WNT2B: variants seen among roughly 807,000 people sequenced by gnomAD.
The protein encoded by WNT2B is Wnt family member 2B.
WNT2B carries 19 observed loss-of-function variants against 40.5 expected under a neutral mutation model. The observed-to-expected ratio is 0.47, with a 90% CI of 0.33 to 0.69. The LOEUF (loss-of-function observed/expected upper bound fraction) is 0.69, where lower values mean the gene tolerates loss of function less well. Ranked by LOEUF, WNT2B falls within the 30% of genes least tolerant of loss-of-function variation. WNT2B has a pLI of 0.02. For synonymous variants in WNT2B, 220 were observed against 211.9 expected (o/e 1.04, Z -0.33); for missense variants, 467 against 556.4 (o/e 0.84, Z 1.62).
intron 1 of WNT2B, among the ~76,000 whole-genome samples, chr1:112,498,321 T>G (rs1651843678): frequency 6.6e-6 from 1 of 152,072 alleles, no homozygotes; most frequent in Admixed American, 6.6e-5. Context: ...TGGTGCCATC[T>G]TGGCTCACTG....
intron 1 of WNT2B, among the ~76,000 whole-genome samples, chr1:112,475,830 C>T (rs1035528212): frequency 6.6e-6 from 1 of 152,072 alleles, no homozygotes; most frequent in Admixed American, 6.6e-5. Flanking sequence ...TAATCGCTTA[C>T]AATTTAAATA....
chr1:112,525,267 AAG>A lies in WNT2B; in HGVS notation c.*4764_*4765del, dbSNP rs1373970291. ...TTTGGATTCCAGGGATGATCTCCATAAGAGAGAAGCACTGGAAAAGACCAAGT... is the reference window on the plus strand; with the variant it reads ...TTTGGATTCCAGGGATGATCTCCATAAGAGAAGCACTGGAAAAGACCAAGT... On this transcript the variant is annotated 3_prime_UTR_variant, in exon 5 of 5. Coordinates refer to ENST00000369684, the MANE Select transcript of WNT2B (RefSeq NM_024494.3). The A allele has an allele frequency of 6.6e-6, 1 of 152,228 alleles. No individual in the cohort carries two copies. Among genetic ancestry groups the A allele is most frequent in the African/African-American group, 2.4e-5 (1 of 41,458 alleles). 9.4% of individuals were successfully genotyped at this position (152,228 alleles called of 1,614,324 possible). A position where few individuals can be genotyped will look rare whatever the true frequency, so the allele number is the denominator to read the frequency against.
chr1:112,468,810 A>C lies in WNT2B; in HGVS notation c.-95+1219A>C, dbSNP rs571774133. Among the ~76,000 whole-genome samples the C allele has an allele frequency of 5.3e-5, 8 of 152,192 alleles. No homozygotes were observed. In the South Asian group the frequency reaches 1.2e-3, roughly 24 times the overall value. On this transcript the variant is annotated intron_variant, in intron 1 of 4. Transcript: ENST00000256640. ...CTACATAGAAGTTTTTCCATTTAAT[A>C]CAGTCCTATTTGTCTATTTTTCGTT... is the stretch of plus-strand genomic sequence containing the variant.
At chr1:112,484,626 A>G (rs1050798391) in intron 1 of WNT2B, among the ~76,000 whole-genome samples, 4 of 151,222 alleles carry the variant, frequency 2.6e-5, no homozygotes, top group African/African-American at 9.7e-5. Flanking sequence ...ACCAAACTCC[A>G]TGCCTGGCAT....
chr1:112,481,451 A>G (rs1651222437), intron 1 of WNT2B, among the ~76,000 whole-genome samples: 1 of 152,208 alleles, frequency 6.6e-6, no homozygotes, highest in Non-Finnish European at 1.5e-5. Flanking sequence ...TAATATCATA[A>G]CCAATGGGGA....
chr1:112,503,415 T>G (rs1047015801), intron 1 of WNT2B, among the ~76,000 whole-genome samples: 1 of 152,102 alleles, frequency 6.6e-6, no homozygotes, highest in African/African-American at 2.4e-5. Context: ...GGTCCAGTGC[T>G]CCCTGCACTG....
intron 1 of WNT2B, among the ~76,000 whole-genome samples, chr1:112,469,700 G>A (rs917900332): frequency 7.9e-5 from 12 of 151,488 alleles, no homozygotes; most frequent in South Asian, 2.1e-4. Context: ...TACAACCTCC[G>A]TCTCCCAGGT....
chr1:112,466,886 T>G (rs950518105), exon 1 of WNT2B: 3 of 152,234 alleles, frequency 2.0e-5, no homozygotes, highest in Non-Finnish European at 4.4e-5. Flanking sequence ...GAAATATCCA[T>G]GCCACAGTTC....
chr1:112,482,778 A>G (rs1251796499), intron 1 of WNT2B, among the ~76,000 whole-genome samples: 1 of 152,206 alleles, frequency 6.6e-6, no homozygotes, highest in African/African-American at 2.4e-5. Flanking sequence ...TAAAACATTG[A>G]AGGAAATTAA....
At position 112,508,979 on chromosome 1, in the gene WNT2B, C is replaced by A; in HGVS notation, c.-284C>A. On this transcript the variant is annotated 5_prime_UTR_variant, in exon 1 of 5. Coordinates refer to ENST00000369684, the MANE Select transcript of WNT2B (RefSeq NM_024494.3). This position sits in a 1 kb window ranked among gnomAD's most constrained non-coding sequence, Gnocchi z 4.2. The stretch of plus-strand genomic sequence containing the variant: ...AGGGGCTGTCCGCACACTAGGCCCG[C>A]AGCTCCCTTCAGCGCCGCAGACCCC... 7.8e-7 allele frequency: 1 copy of A among 1,287,290 alleles called. No individual in the cohort carries two copies. Among genetic ancestry groups the A allele is most frequent in the South Asian group, 2.4e-5 (1 of 40,884 alleles). 79.7% of individuals were successfully genotyped at this position (1,287,290 alleles called of 1,614,324 possible).
Position 112,526,293 on chromosome 1 carries a change from A to G in WNT2B, c.*5784A>G, listed in dbSNP as rs2101129446. The G allele has an allele frequency of 1.6e-6, 1 of 625,866 alleles. No homozygotes were observed. The highest frequency in any genetic ancestry group is 2.6e-6 in the Non-Finnish European group (1 of 387,076). 38.8% of individuals were successfully genotyped at this position (625,866 alleles called of 1,614,324 possible). ...CAGTACCATGTGACCACTATACAAC[A>G]TATTCCACATTTAAACAACTCTGGC... On this transcript the variant is annotated 3_prime_UTR_variant, in exon 5 of 5. Transcript: ENST00000369684.
rs146450887 is a variant in WNT2B at position 112,494,233 on chromosome 1, C to T, written c.-94-20641C>T. On this transcript the variant is annotated intron_variant, in intron 1 of 4. Transcript: ENST00000256640. ...GCTGAGGCGGGAGAATCGTTTGAAC[C>T]CGAGAAGCGGAGGTTGCAGTGAACA... is the stretch of plus-strand genomic sequence containing the variant. Among the ~76,000 whole-genome samples, 11 of 151,422 alleles carry T rather than the reference C, an allele frequency of 7.3e-5. 1 individual carries two copies. The highest frequency in any genetic ancestry group is 2.7e-4 in the African/African-American group (11 of 40,762).
chr1:112,517,455 T>C (rs1652616044), intron 4 of WNT2B, 70 bp downstream of exon 4: 2 of 1,523,484 alleles, frequency 1.3e-6, no homozygotes, highest in African/African-American at 1.4e-5. Context: ...TTAATCATGG[T>C]CTGTTCAGTC....
At chr1:112,500,462 A>G (rs996197278) in intron 1 of WNT2B, among the ~76,000 whole-genome samples, 1 of 152,144 alleles carries the variant, frequency 6.6e-6, no homozygotes, top group African/African-American at 2.4e-5. Flanking sequence ...AAATGTTTCC[A>G]TTTTGATCTG....
chr1:112,499,076 T>G (rs904440648), intron 1 of WNT2B, among the ~76,000 whole-genome samples: 1 of 151,862 alleles, frequency 6.6e-6, no homozygotes, highest in East Asian at 1.9e-4. Context: ...CGTGGTGGCG[T>G]GCGCCTGTAA....
rs1651619604 is a variant in WNT2B at position 112,492,029 on chromosome 1, G to C, written c.-94-22845G>C. ...TAACCTGGAAGCCATAAACATATAT[G>C]TATGACAAGTCACGTAAATAAAATT... is the stretch of plus-strand genomic sequence containing the variant. On this transcript the variant is annotated intron_variant, in intron 1 of 4. Coordinates refer to the WNT2B transcript ENST00000256640. Among the ~76,000 whole-genome samples the C allele has an allele frequency of 4.6e-5, 7 of 151,990 alleles. 1 individual carries two copies. The South Asian group carries it at 1.5e-3, about 32-fold the overall frequency.
intron 1 of WNT2B, among the ~76,000 whole-genome samples, chr1:112,469,436 T>C (rs1457214776): frequency 6.6e-6 from 1 of 152,252 alleles, no homozygotes; most frequent in Non-Finnish European, 1.5e-5. Context: ...ATGGTCATTT[T>C]AATAATACTA....
chr1:112,504,202 C>T (rs1652042894), upstream of WNT2B, among the ~76,000 whole-genome samples: 1 of 152,218 alleles, frequency 6.6e-6, no homozygotes, highest in Non-Finnish European at 1.5e-5. Context: ...CACTGCCTGG[C>T]TCCAGTCTGA....
At position 112,514,662 on chromosome 1, in the gene WNT2B, G is replaced by A. The variant is rs79201360; in HGVS notation, c.183-212G>A. On this transcript the variant is annotated intron_variant, in intron 1 of 4. Transcript: ENST00000369684. ...GCTGGGGAACTGGTGATGGTGGGAG[G>A]CCACTCAATTACTCTCTCTGCAACT... 6.1e-3 allele frequency: 3,631 copies of A among 593,318 alleles called. 121 individuals are homozygous for A. The East Asian group carries it at 0.079, about 13-fold the overall frequency. 36.8% of individuals were successfully genotyped at this position (593,318 alleles called of 1,614,324 possible). A position where few individuals can be genotyped will look rare whatever the true frequency, so the allele number is the denominator to read the frequency against.
Sources: gnomAD v4.1 joint callset for allele counts (sites outside exome capture counted in the v4.1 genomes callset) on GRCh38, gnomAD v4.1.1 for gene constraint, Gnocchi (gnomAD v3.1) non-coding constraint, MANE v1.5 for transcripts, NCBI Gene and HGNC (gene_info 2026-07-23, HGNC 2026-07-21) for gene names.